Variants in NEGR1 observed in about 807,000 individuals in gnomAD.
NEGR1 encodes IgLON family member 4.
NEGR1 carries 10 observed loss-of-function variants against 40.9 expected under a neutral mutation model. The ratio of observed to expected loss-of-function variants is 0.24; its 90% CI spans 0.15 to 0.42. The LOEUF (loss-of-function observed/expected upper bound fraction) is 0.42. NEGR1 is among the 10% of genes least tolerant of loss of function. NEGR1 has a pLI of 1.00. For missense variants in NEGR1, 352 were observed against 438.9 expected, an observed-to-expected ratio of 0.80 and a Z score of 1.77; for synonymous variants, 185 against 166.8, an observed-to-expected ratio of 1.11 and a Z score of -0.84.
intron 1 of NEGR1, among the ~76,000 whole-genome samples, chr1:72,145,938 A>G (rs951057832): frequency 1.3e-5 from 2 of 152,088 alleles, no homozygotes; most frequent in Non-Finnish European, 2.9e-5. Flanking sequence ...TGAATTACAT[A>G]CCTTATAGTT....
intron 3 of NEGR1, among the ~76,000 whole-genome samples, chr1:71,713,764 T>C (rs1484827260): frequency 6.6e-6 from 1 of 152,212 alleles, no homozygotes; most frequent in Non-Finnish European, 1.5e-5. Context: ...AGGAACTCTT[T>C]ATGGAGAGGC....
rs201476310 is a variant in NEGR1, at chr1:71,836,613, C to T, written c.410-60316G>A. 4.0e-4 allele frequency among the ~76,000 whole-genome samples: 61 copies of T among 151,458 alleles called. No homozygotes were observed. In the East Asian group the frequency reaches 8.6e-3, roughly 21 times the overall value. On this transcript the variant is annotated intron_variant, in intron 2 of 6. Transcript: ENST00000357731. ...ACAACCTAAGAAAGAATTGGGACTC[C>T]GGCGATTTCAGTTTTAAAACAGAAA...
intron 1 of NEGR1, among the ~76,000 whole-genome samples, chr1:72,209,134 TC>T (rs1341685033): frequency 6.6e-6 from 1 of 151,792 alleles, no homozygotes; most frequent in African/African-American, 2.4e-5. Flanking sequence ...AGATTTTTTT[TC>T]TTATTATTAA....
Position 71,847,567 on chromosome 1 carries a change from A to G in NEGR1, c.410-71270T>C, listed in dbSNP as rs910177199. Among the ~76,000 whole-genome samples, 5 of 152,180 alleles carry G rather than the reference A, an allele frequency of 3.3e-5. No individual in the cohort carries two copies. In the South Asian group the frequency reaches 1.0e-3, roughly 32 times the overall value. ...GTAATTGTTTTAATTGTTTTGGGGC[A>G]CCAAAAGCAGTGCCCATGTAAGATG... On this transcript the variant is annotated intron_variant, in intron 2 of 6. Coordinates refer to ENST00000357731, the MANE Select transcript of NEGR1 (RefSeq NM_173808.3).
At chr1:72,093,306 G>A (rs555972763) in intron 1 of NEGR1, among the ~76,000 whole-genome samples, 2 of 132,758 alleles carry the variant, frequency 1.5e-5, no homozygotes, top group Non-Finnish European at 3.1e-5. Context: ...ACTCCAGTCT[G>A]GTGCCAGAGC....
chr1:71,901,765 G>A (rs1216498603), intron 2 of NEGR1, among the ~76,000 whole-genome samples: 1 of 150,812 alleles, frequency 6.6e-6, no homozygotes, highest in African/African-American at 2.5e-5. Flanking sequence ...CTGCCTCCCG[G>A]GTTCAAGCGA....
intron 4 of NEGR1, among the ~76,000 whole-genome samples, chr1:71,622,149 A>T (rs1391833957): frequency 2.0e-5 from 3 of 151,940 alleles, no homozygotes; most frequent in Non-Finnish European, 4.4e-5. Context: ...CAGCTGTATC[A>T]ACAGGAATTA....
chr1:72,196,662 A>T (rs61765619), intron 1 of NEGR1, among the ~76,000 whole-genome samples: 52,936 of 127,692 alleles, frequency 0.41, 10,234 homozygotes, highest in African/African-American at 0.56. Context: ...CCCAGTTACA[A>T]GTGATCAAGG....
chr1:72,241,177 G>C (rs1194266), intron 1 of NEGR1, among the ~76,000 whole-genome samples: 1 of 151,558 alleles, frequency 6.6e-6, no homozygotes, highest in Admixed American at 6.6e-5. Context: ...GTTTTATTTG[G>C]AAGTTAGATA....
At chr1:71,453,721 A>T (rs1646650282) in intron 6 of NEGR1, among the ~76,000 whole-genome samples, 1 of 152,186 alleles carries the variant, frequency 6.6e-6, no homozygotes, top group South Asian at 2.1e-4. Context: ...TTTATACTGC[A>T]GAATTGTTTG....
intron 6 of NEGR1, among the ~76,000 whole-genome samples, chr1:71,417,798 TA>T (rs774087353): frequency 6.6e-6 from 1 of 152,148 alleles, no homozygotes; most frequent in Non-Finnish European, 1.5e-5. Flanking sequence ...ATTGTAGCTT[TA>T]AAAAATGTGT....
At chr1:71,766,511 T>C (rs1260008305) in intron 3 of NEGR1, among the ~76,000 whole-genome samples, 1 of 152,186 alleles carries the variant, frequency 6.6e-6, no homozygotes, top group African/African-American at 2.4e-5. Flanking sequence ...AGTAACACCT[T>C]TATCAATTAA....
chr1:71,935,988 G>A (rs1165107786), intron 1 of NEGR1, among the ~76,000 whole-genome samples: 3 of 151,938 alleles, frequency 2.0e-5, no homozygotes, highest in Non-Finnish European at 4.4e-5. Flanking sequence ...TATTGGAGAG[G>A]GGGTTTCACT....
At chr1:71,623,065 C>T (rs1650659377) in intron 4 of NEGR1, among the ~76,000 whole-genome samples, 1 of 151,472 alleles carries the variant, frequency 6.6e-6, no homozygotes, top group Non-Finnish European at 1.5e-5. Context: ...ATTCATTTTG[C>T]TAATATATTC....
rs145131690 is a variant in NEGR1, at chr1:72,199,072, G to A, written c.176+83247C>T. The stretch of plus-strand genomic sequence containing the variant: ...GGATGTCACCTGTTTTGCCACTAAT[G>A]TCCTTTTGCCCTTCAAGGATCCAAT... On this transcript the variant is annotated intron_variant, in intron 1 of 6. Coordinates refer to ENST00000357731, the MANE Select transcript of NEGR1 (RefSeq NM_173808.3). Among the ~76,000 whole-genome samples, 68 of 151,516 alleles carry A rather than the reference G, an allele frequency of 4.5e-4. No individual in the cohort carries two copies. The East Asian group carries it at 0.013, about 29-fold the overall frequency.
chr1:72,251,864 G>C (rs1280440868), intron 1 of NEGR1, among the ~76,000 whole-genome samples: 1 of 151,870 alleles, frequency 6.6e-6, no homozygotes, highest in African/African-American at 2.4e-5. Context: ...GTTCTACAGG[G>C]CACATTTTGG....
chr1:71,548,214 T>C (rs1647964588), intron 6 of NEGR1, among the ~76,000 whole-genome samples: 1 of 151,714 alleles, frequency 6.6e-6, no homozygotes, highest in Non-Finnish European at 1.5e-5. Context: ...TTTGGAGATA[T>C]TTATTATGCA....
intron 2 of NEGR1, among the ~76,000 whole-genome samples, chr1:71,899,160 C>T (rs1661078097): frequency 6.6e-6 from 1 of 151,006 alleles, no homozygotes; most frequent in South Asian, 2.1e-4. Context: ...AACCTTTGTC[C>T]CCTCCACTGA....
At chr1:72,136,709 AC>A (rs1349404066) in intron 1 of NEGR1, among the ~76,000 whole-genome samples, 3 of 151,958 alleles carry the variant, frequency 2.0e-5, no homozygotes, top group Non-Finnish European at 2.9e-5. Flanking sequence ...TGACTAAAAT[AC>A]CAAAAGCAAT....
Sources: allele counts gnomAD v4.1 joint callset (sites outside exome capture counted in the v4.1 genomes callset), GRCh38; gene constraint gnomAD v4.1.1; transcripts MANE v1.5; gene names NCBI Gene and HGNC (gene_info 2026-07-23, HGNC 2026-07-21).